NEK9: variants seen among roughly 807,000 people sequenced by gnomAD.
The protein encoded by NEK9 is NIMA related kinase 9, also known as serine/threonine-protein kinase Nek9.
In NEK9, 75 loss-of-function variants were observed where a neutral mutation model predicts 123.4. That is an observed-to-expected ratio of 0.61 (90% CI 0.50 to 0.74). The LOEUF (loss-of-function observed/expected upper bound fraction) is 0.74, where lower values mean the gene tolerates loss of function less well. Among genes scored for constraint, NEK9 ranks in the 30% least tolerant of loss-of-function variants. The pLI is 0.00. For synonymous variants in NEK9, 438 were observed against 458.7 expected (o/e 0.95, Z 0.58); for missense variants, 952 against 1,214.4 (o/e 0.78, Z 3.21).
In NEK9 at chr14:75,124,116, G is replaced by T; in HGVS notation, c.327C>A (p.Asp109Glu). The stretch of plus-strand genomic sequence containing the variant: ...AGTGATTGTAGTAGGCAATAATGTT[G>T]TCGTGCTGCAGCAGTGCCAGAATAA... ...EIVILALLQH[D>E]NIIAYYNHFM... is the part of the protein sequence containing the mutation. The change falls in exon 2 of 22, where the codon GAC (aspartate) becomes GAA (glutamate). Residue 109 changes from aspartate to glutamate, a missense_variant. By Grantham distance (45) the Asp-to-Glu change is conservative. Around this residue, in one of 4 missense-constraint regions of NEK9, gnomAD observed 106 missense variants for 153.0 expected, o/e 0.69. Transcript: ENST00000238616. The T allele has an allele frequency of 6.2e-7, 1 of 1,614,018 alleles. No individual in the cohort carries two copies. The highest frequency in any genetic ancestry group is 2.2e-5 in the East Asian group (1 of 44,880).
intron 6 of NEK9, among the ~76,000 whole-genome samples, chr14:75,115,243 G>A (rs1252392928): frequency 1.3e-5 from 2 of 152,128 alleles, no homozygotes; most frequent in African/African-American, 4.8e-5. Context: ...AGCCTCCTGA[G>A]TAGCTGGGAT....
intron 8 of NEK9, among the ~76,000 whole-genome samples, chr14:75,111,944 A>G (rs1234046086): frequency 6.6e-6 from 1 of 152,208 alleles, no homozygotes; most frequent in Non-Finnish European, 1.5e-5. Context: ...TTGCTGTGAA[A>G]TAAGCCAGAC....
At chr14:75,122,951 A>G (rs926045086) in intron 2 of NEK9, among the ~76,000 whole-genome samples, 1 of 151,762 alleles carries the variant, frequency 6.6e-6, no homozygotes, top group African/African-American at 2.4e-5. Flanking sequence ...GGTGCACACC[A>G]CCCAGCTAAT....
rs1010285546 is a variant in NEK9 at position 75,084,670 on chromosome 14, T to C, written c.2834A>G (p.Lys945Arg). 2 of 1,613,984 alleles carry C rather than the reference T, an allele frequency of 1.2e-6. No homozygotes were observed. Among genetic ancestry groups the C allele is most frequent in the East Asian group, 2.2e-5 (1 of 44,896 alleles). ...CTCTTCCTTTGCTGTCTGAGTTCCT[T>C]TGGAATGCATCCCCACCTGTCCGGA... ...EGGQQVGMHS[K>R]GTQTAKEEME... The change falls in exon 22 of 22, where the codon AAA (lysine) becomes AGA (arginine). Residue 945 changes from lysine to arginine, a missense_variant. Physicochemically the swap from Lys to Arg is conservative, Grantham distance 26. This residue lies in a region of NEK9 where 698 missense variants were observed against 875.6 expected (regional missense o/e 0.80). Transcript: ENST00000238616.
chr14:75,089,939 C>T (rs1456503886), intron 19 of NEK9, among the ~76,000 whole-genome samples: 7 of 151,414 alleles, frequency 4.6e-5, no homozygotes, highest in Non-Finnish European at 8.9e-5. Context: ...CCTTGTGATC[C>T]GCCCGCCTCA....
rs538705672 is a variant in NEK9, at chr14:75,108,561, A to T, written c.1183-1074T>A. ...TGTGTGTGTGACAGTATATATATAT[A>T]TTTTTTTTTTTGAGACAAGGTCTTG... On this transcript the variant is annotated intron_variant, in intron 10 of 21. Transcript: ENST00000238616. 7.8e-3 allele frequency among the ~76,000 whole-genome samples: 1,121 copies of T among 143,744 alleles called. 12 individuals carry two copies. The highest frequency in any genetic ancestry group is 0.023 in the African/African-American group (922 of 39,324). 94.3% of individuals were successfully genotyped at this position (143,744 alleles called of 152,430 possible). A position where few individuals can be genotyped will look rare whatever the true frequency, so the allele number is the denominator to read the frequency against.
At chr14:75,103,588 T>C (rs1180965661) in intron 14 of NEK9, among the ~76,000 whole-genome samples, 1 of 152,218 alleles carries the variant, frequency 6.6e-6, no homozygotes, top group African/African-American at 2.4e-5. Context: ...CTTCTGTTAA[T>C]ACCCCTCCTT....
At chr14:75,106,852 G>A in intron 11 of NEK9, 150 bp from the exon 12 acceptor site, 1 of 635,084 alleles carries the variant, frequency 1.6e-6, no homozygotes, top group Non-Finnish European at 2.7e-6. Flanking sequence ...GACTGTGCAA[G>A]TCTAGAGTTC....
intron 10 of NEK9, among the ~76,000 whole-genome samples, chr14:75,108,111 T>C (rs907233208): frequency 6.6e-6 from 1 of 152,002 alleles, no homozygotes; most frequent in Non-Finnish European, 1.5e-5. Flanking sequence ...GACTAGTCCT[T>C]GATGACTTTT....
intron 8 of NEK9, among the ~76,000 whole-genome samples, chr14:75,111,987 G>C (rs772574607): frequency 1.3e-5 from 2 of 152,170 alleles, no homozygotes; most frequent in African/African-American, 4.8e-5. Context: ...CAGACCAAAA[G>C]GGTGATACTG....
chr14:75,095,028 T>G (rs886374751), intron 18 of NEK9, among the ~76,000 whole-genome samples: 6 of 152,274 alleles, frequency 3.9e-5, no homozygotes, highest in Admixed American at 3.9e-4. Context: ...ACTATTTCTT[T>G]AGACTGGAAT....
rs1894583618 is a variant in NEK9, at chr14:75,101,641, T to G, written c.1840+16A>C. On this transcript the variant is annotated intron_variant, in intron 15 of 21. Coordinates refer to ENST00000238616, the MANE Select transcript of NEK9 (RefSeq NM_033116.6). ...TCAGCTACTAAGGCATGTGATACAG[T>G]TGTAAATCAACTTACCATCAATAGC... is the stretch of plus-strand genomic sequence containing the variant. 6.4e-7 allele frequency: 1 copy of G among 1,565,762 alleles called. No individual in the cohort carries two copies. Among genetic ancestry groups the G allele is most frequent in the South Asian group, 1.1e-5 (1 of 89,890 alleles).
chr14:75,108,703 C>A (rs1023792750), intron 10 of NEK9, among the ~76,000 whole-genome samples: 3 of 151,498 alleles, frequency 2.0e-5, no homozygotes, highest in African/African-American at 7.3e-5. Context: ...CACAGGCATG[C>A]GCCACCACTC....
At chr14:75,115,123 A>ACT (rs1173058207) in intron 6 of NEK9, among the ~76,000 whole-genome samples, 1 of 146,024 alleles carries the variant, frequency 6.8e-6, no homozygotes. Flanking sequence ...GTACACACAC[A>ACT]CACATTTCTT....
At chr14:75,087,667 C>T (rs764880219) in intron 20 of NEK9, among the ~76,000 whole-genome samples, 5 of 152,196 alleles carry the variant, frequency 3.3e-5, no homozygotes, top group Admixed American at 6.5e-5. Context: ...GGACCACCAA[C>T]ACAATTTAAG....
Position 75,126,846 on chromosome 14 carries a change from C to A in NEK9, c.76G>T (p.Gly26Trp). ...SDFGSESGGC[G>W]DSSPGPSASQ... Reference sequence around the variant, plus strand: ...GCGCTAGGCCCCGGACTCGAGTCCCCGCAACCCCCGGACTCGCTCCCAAAG... The same window carrying A: ...GCGCTAGGCCCCGGACTCGAGTCCCAGCAACCCCCGGACTCGCTCCCAAAG... The change falls in exon 1 of 22, where the codon GGG becomes TGG. Residue 26 changes from glycine (G) to tryptophan (W), a missense_variant. By Grantham distance (184) the Gly-to-Trp change is radical. Transcript: ENST00000238616. The A allele has an allele frequency of 2.0e-6, 3 of 1,533,708 alleles. No homozygotes were observed. Among genetic ancestry groups the A allele is most frequent in the Non-Finnish European group, 2.6e-6 (3 of 1,140,576 alleles).
intron 7 of NEK9, among the ~76,000 whole-genome samples, chr14:75,113,905 T>G (rs1895041968): frequency 6.6e-6 from 1 of 151,174 alleles, no homozygotes; most frequent in Non-Finnish European, 1.5e-5. Flanking sequence ...TATCTTTCAT[T>G]GCAGTTTTTT....
At chr14:75,117,457 A>G in intron 5 of NEK9, 131 bp from the exon 6 acceptor site, 1 of 987,590 alleles carries the variant, frequency 1.0e-6, no homozygotes, top group Non-Finnish European at 1.4e-6. Context: ...AGATTCCAAA[A>G]TGGTTTTTAT....
intron 2 of NEK9, among the ~76,000 whole-genome samples, chr14:75,122,932 G>C (rs539280392): frequency 1.3e-4 from 19 of 151,330 alleles, no homozygotes; most frequent in Non-Finnish European, 1.9e-4. Context: ...CCAAGTAGCT[G>C]TGACTACAGG....
Sources: gnomAD v4.1 joint callset for allele counts (sites outside exome capture counted in the v4.1 genomes callset) on GRCh38, gnomAD v4.1.1 for gene constraint, gnomAD v4.1.1 regional missense constraint, MANE v1.5 for transcripts, NCBI Gene and HGNC (gene_info 2026-07-23, HGNC 2026-07-21) for gene names.